TMEM38A: variants seen among roughly 807,000 people sequenced by gnomAD.
TMEM38A encodes the protein transmembrane protein 38A, also known as trimeric intracellular cation channel type A.
A neutral mutation model predicts 28.6 loss-of-function variants in TMEM38A; 17 were observed. The observed-to-expected ratio is 0.60, with a 90% CI of 0.41 to 0.89. The LOEUF (loss-of-function observed/expected upper bound fraction) is 0.89. TMEM38A is among the 40% of genes least tolerant of loss of function. TMEM38A has a pLI of 0.00. For missense variants in TMEM38A, 328 were observed against 393.1 expected, an observed-to-expected ratio of 0.83 and a Z score of 1.40; for synonymous variants, 169 against 166.1, an observed-to-expected ratio of 1.02 and a Z score of -0.14.
At chr19:16,687,379 G>C (rs2086806249) in intron 5 of TMEM38A, among the ~76,000 whole-genome samples, 1 of 152,126 alleles carries the variant, frequency 6.6e-6, no homozygotes, top group Admixed American at 6.6e-5. Context: ...AAATTAACCA[G>C]GCGTGGTGGC....
chr19:16,667,222 T>C (rs1399882837), intron 1 of TMEM38A, among the ~76,000 whole-genome samples: 1 of 151,166 alleles, frequency 6.6e-6, no homozygotes, highest in African/African-American at 2.4e-5. Context: ...TGAGCCGAGA[T>C]TGCGCCATTG....
At chr19:16,663,124 T>TA (rs1174098902) in intron 1 of TMEM38A, among the ~76,000 whole-genome samples, 4 of 151,202 alleles carry the variant, frequency 2.6e-5, no homozygotes, top group Admixed American at 2.6e-4. Flanking sequence ...CTACTGAAAA[T>TA]AAAAAAATTA....
Position 16,688,491 on chromosome 19 carries a change from C to A in TMEM38A, c.*120C>A. 2 of 780,642 alleles carry A rather than the reference C, an allele frequency of 2.6e-6. No individual in the cohort carries two copies. The highest frequency in any genetic ancestry group is 3.7e-6 in the Non-Finnish European group (2 of 541,372). 48.4% of individuals were successfully genotyped at this position (780,642 alleles called of 1,614,324 possible). On this transcript the variant is annotated 3_prime_UTR_variant, in exon 6 of 6. Transcript: ENST00000187762. The stretch of plus-strand genomic sequence containing the variant: ...GACTTCCCCATCTGCAAATCAGGGT[C>A]ATTGGCTCACCCTCCAGGGCTGATG...
rs1166979287 is a variant in TMEM38A at position 16,682,409 on chromosome 19, C to A, written c.467-12C>A. 1.2e-6 allele frequency: 2 copies of A among 1,613,632 alleles called. No individual in the cohort carries two copies. Among genetic ancestry groups the A allele is most frequent in the Non-Finnish European group, 1.7e-6 (2 of 1,179,740 alleles). ...GGGTGGTGGGCTTGTTCAGAAGCACCCTGTCCTGTAGGTTCTGGTGTCGCC... is the reference window on the plus strand; with the variant it reads ...GGGTGGTGGGCTTGTTCAGAAGCACACTGTCCTGTAGGTTCTGGTGTCGCC... On this transcript the variant is annotated splice_polypyrimidine_tract_variant and intron_variant, in intron 3 of 5. Coordinates refer to ENST00000187762, the MANE Select transcript of TMEM38A (RefSeq NM_024074.4).
chr19:16,687,000 G>A (rs2086804678), intron 5 of TMEM38A, among the ~76,000 whole-genome samples: 1 of 152,272 alleles, frequency 6.6e-6, no homozygotes, highest in East Asian at 1.9e-4. Flanking sequence ...TCAGGCTGCT[G>A]TATAACAGAA....
rs546777686 is a variant in TMEM38A, at chr19:16,689,820, G to A, written c.*1449G>A. ...TAGGTCACCAGGATGTCTGAGAGGG[G>A]TGGGTGCATGGGACGGGCGTGGCCA... is the stretch of plus-strand genomic sequence containing the variant. On this transcript the variant is annotated 3_prime_UTR_variant, in exon 6 of 6. Coordinates refer to ENST00000187762, the MANE Select transcript of TMEM38A (RefSeq NM_024074.4). 2.6e-5 allele frequency: 4 copies of A among 152,422 alleles called. No individual in the cohort carries two copies. The highest frequency in any genetic ancestry group is 6.5e-5 in the Admixed American group (1 of 15,282). The allele number at this position is 152,422 out of a possible 1,614,324, so 9.4% of individuals were successfully genotyped here.
In TMEM38A at chr19:16,688,210, G is replaced by A. The variant is rs145844119; in HGVS notation, c.739G>A (p.Val247Met). Residue 247 changes from valine (V) to methionine (M), a missense_variant, in exon 6 of 6, where the codon GTG (valine) becomes ATG (methionine). Physicochemically the swap from Val to Met is conservative, Grantham distance 21. Coordinates refer to ENST00000187762, the MANE Select transcript of TMEM38A (RefSeq NM_024074.4). ...FDALEGYICP[V>M]LFGSACGGDH... ...TGCCCTGGAGGGCTACATCTGCCCC[G>A]TGCTGTTTGGTTCGGCCTGCGGGGG... The A allele has an allele frequency of 1.0e-3, 1,590 of 1,571,230 alleles. 6 individuals are homozygous for A. The highest frequency in any genetic ancestry group is 6.1e-3 in the Middle Eastern group (36 of 5,864).
At chr19:16,678,162 G>A (rs982883337) in intron 1 of TMEM38A, among the ~76,000 whole-genome samples, 2 of 152,174 alleles carry the variant, frequency 1.3e-5, no homozygotes, top group Non-Finnish European at 2.9e-5. Flanking sequence ...ACTTGGCAGT[G>A]GCTCATGCCT....
intron 1 of TMEM38A, among the ~76,000 whole-genome samples, chr19:16,664,195 C>T (rs2086694021): frequency 6.6e-6 from 1 of 152,076 alleles, no homozygotes; most frequent in Admixed American, 6.6e-5. Context: ...GCGGGTGGAT[C>T]ACTTGAGCCC....
chr19:16,676,469 C>A (rs1159933711), intron 1 of TMEM38A, among the ~76,000 whole-genome samples: 2 of 152,130 alleles, frequency 1.3e-5, no homozygotes, highest in African/African-American at 4.8e-5. Context: ...GGTTTTGGCT[C>A]TGGTCATGTA....
chr19:16,673,652 G>C (rs895554358), intron 1 of TMEM38A, among the ~76,000 whole-genome samples: 1 of 152,156 alleles, frequency 6.6e-6, no homozygotes, highest in Admixed American at 6.6e-5. Flanking sequence ...GGATTTGTAG[G>C]AGAAACTCTG....
intron 3 of TMEM38A, among the ~76,000 whole-genome samples, chr19:16,681,813 C>T (rs778228393): frequency 6.6e-6 from 1 of 152,120 alleles, no homozygotes; most frequent in Non-Finnish European, 1.5e-5. Context: ...GCCCCAGATG[C>T]GATTCCCTGG....
Position 16,661,363 on chromosome 19 carries a change from G to C in TMEM38A, c.124+22G>C, listed in dbSNP as rs2086676449. 1 of 1,567,852 alleles carries C rather than the reference G, an allele frequency of 6.4e-7. No individual in the cohort carries two copies. Among genetic ancestry groups the C allele is most frequent in the Admixed American group, 1.8e-5 (1 of 55,320 alleles). On this transcript the variant is annotated intron_variant, in intron 1 of 5. Coordinates refer to ENST00000187762, the MANE Select transcript of TMEM38A (RefSeq NM_024074.4). The surrounding 1 kb of genome is among the most constrained non-coding windows in gnomAD (Gnocchi z 6.5). ...CCAGGTGAGCCGGGGCGGGGGGCTG[G>C]AGGGGACCGGCAGCGGGTGGCGCGG...
intron 1 of TMEM38A, among the ~76,000 whole-genome samples, chr19:16,669,050 G>A (rs770266848): frequency 3.3e-5 from 5 of 151,548 alleles, no homozygotes; most frequent in East Asian, 3.9e-4. Flanking sequence ...GGCTGGTCTC[G>A]AACTCCCGAC....
intron 1 of TMEM38A, among the ~76,000 whole-genome samples, chr19:16,672,056 C>CCCTA (rs75080766): frequency 0.088 from 13,372 of 152,132 alleles, 701 homozygotes; most frequent in African/African-American, 0.14. Flanking sequence ...TTACCTCATA[C>CCCTA]CCTAGGACCT....
intron 1 of TMEM38A, among the ~76,000 whole-genome samples, chr19:16,669,304 T>A (rs1233623849): frequency 6.6e-6 from 1 of 151,700 alleles, no homozygotes; most frequent in African/African-American, 2.4e-5. Context: ...GCTCACTGGT[T>A]CAAGCAATTC....
Position 16,661,454 on chromosome 19 carries a change from T to A in TMEM38A, c.124+113T>A. ...CGTGGTGGAGGGAGCGAGGGACAGG[T>A]TCAAGGATTGCATCGTGGGAGTAGG... is the stretch of plus-strand genomic sequence containing the variant. On this transcript the variant is annotated intron_variant, in intron 1 of 5. Transcript: ENST00000187762. This position sits in a 1 kb window ranked among gnomAD's most constrained non-coding sequence, Gnocchi z 6.5. The A allele has an allele frequency of 1.0e-6, 1 of 952,658 alleles. No homozygotes were observed. The highest frequency in any genetic ancestry group is 1.5e-6 in the Non-Finnish European group (1 of 685,154). 59.0% of individuals were successfully genotyped at this position (952,658 alleles called of 1,614,324 possible).
intron 1 of TMEM38A, among the ~76,000 whole-genome samples, chr19:16,678,962 A>G (rs1258849622): frequency 6.6e-6 from 1 of 151,514 alleles, no homozygotes; most frequent in Non-Finnish European, 1.5e-5. Context: ...CAGCTTGGCC[A>G]ACATGGTGAA....
chr19:16,670,283 T>G (rs539641212), intron 1 of TMEM38A, among the ~76,000 whole-genome samples: 303 of 150,456 alleles, frequency 2.0e-3, no homozygotes, highest in Middle Eastern at 0.01. Flanking sequence ...TTTGTTTTTT[T>G]TTTTTTTTGA....
Sources: gnomAD v4.1 joint callset for allele counts (sites outside exome capture counted in the v4.1 genomes callset) on GRCh38, gnomAD v4.1.1 for gene constraint, Gnocchi (gnomAD v3.1) non-coding constraint, MANE v1.5 for transcripts, NCBI Gene and HGNC (gene_info 2026-07-23, HGNC 2026-07-21) for gene names.